Variants in CTNNB1 observed in about 807,000 individuals in gnomAD.
CTNNB1 encodes catenin beta-1.
A neutral mutation model predicts 82.5 loss-of-function variants in CTNNB1; 6 were observed. That is an observed-to-expected ratio of 0.07 (90% CI 0.04 to 0.14). The LOEUF is 0.14. Among genes scored for constraint, CTNNB1 ranks in the 10% least tolerant of loss-of-function variants. The pLI is 1.00. For missense variants in CTNNB1, 529 were observed against 980.4 expected, an observed-to-expected ratio of 0.54 and a Z score of 6.15; for synonymous variants, 312 against 329.7, an observed-to-expected ratio of 0.95 and a Z score of 0.58.
At chr3:41,215,211 A>G (rs35024316) in intron 1 of CTNNB1, among the ~76,000 whole-genome samples, 14 of 44,482 alleles carry the variant, frequency 3.1e-4, no homozygotes, top group South Asian at 1.5e-3. Flanking sequence ...CCCTGTCTCC[A>G]TTAAAAAAAA....
At chr3:41,238,814 T>C (rs909798302) in intron 14 of CTNNB1, among the ~76,000 whole-genome samples, 7 of 152,156 alleles carry the variant, frequency 4.6e-5, no homozygotes, top group African/African-American at 1.4e-4. Flanking sequence ...TCCTGCTTCT[T>C]CTCCTCGGGA....
intron 1 of CTNNB1, among the ~76,000 whole-genome samples, chr3:41,213,962 C>CT (rs1277044898): frequency 1.3e-5 from 2 of 152,128 alleles, no homozygotes; most frequent in African/African-American, 2.4e-5. Context: ...AGCAAAATGT[C>CT]TTTCTGTTTG....
At chr3:41,214,245 C>T (rs1282439525) in intron 1 of CTNNB1, among the ~76,000 whole-genome samples, 3 of 152,014 alleles carry the variant, frequency 2.0e-5, no homozygotes, top group Non-Finnish European at 4.4e-5. Context: ...ATGCCAGGGC[C>T]CTTCCCCAGC....
intron 13 of CTNNB1, chr3:41,237,454 A>AAAAG (rs1485839519): frequency 2.6e-5 from 4 of 152,548 alleles, no homozygotes; most frequent in African/African-American, 9.7e-5. Context: ...CACAAAAAAA[A>AAAAG]AAAAAAAAAA....
chr3:41,229,613 A>G (rs1361989779), intron 7 of CTNNB1, among the ~76,000 whole-genome samples: 1 of 152,090 alleles, frequency 6.6e-6, no homozygotes, highest in Non-Finnish European at 1.5e-5. Flanking sequence ...GGCAGAGATT[A>G]TGGGGTTTTC....
chr3:41,232,733 C>T (rs1032195159), intron 7 of CTNNB1, among the ~76,000 whole-genome samples: 19 of 151,972 alleles, frequency 1.3e-4, no homozygotes, highest in Admixed American at 9.8e-4. Context: ...GTTTTCATGC[C>T]GTCTTTCTGG....
intron 10 of CTNNB1, 197 bp from the exon 11 acceptor site, chr3:41,235,523 AGGGG>A: frequency 1.5e-6 from 1 of 648,260 alleles, no homozygotes; most frequent in Admixed American, 2.2e-5. Flanking sequence ...TGTATGGGGG[AGGGG>A]TGCTGCTTTG....
chr3:41,232,384 A>C (rs1259878302), intron 7 of CTNNB1, among the ~76,000 whole-genome samples: 2 of 152,146 alleles, frequency 1.3e-5, no homozygotes, highest in Admixed American at 6.5e-5. Context: ...AACCCAACAG[A>C]GGTGATCTTT....
At chr3:41,217,380 A>G (rs1196742113) in intron 1 of CTNNB1, among the ~76,000 whole-genome samples, 2 of 152,224 alleles carry the variant, frequency 1.3e-5, no homozygotes, top group African/African-American at 4.8e-5. Context: ...GCTTCACTGT[A>G]TGTATGATCT....
At chr3:41,212,411 TC>T (rs2077814730) in intron 1 of CTNNB1, among the ~76,000 whole-genome samples, 1 of 152,202 alleles carries the variant, frequency 6.6e-6, no homozygotes, top group African/African-American at 2.4e-5. Context: ...ATCACTCTCA[TC>T]CCAGTTTGTG....
At chr3:41,209,871 G>A (rs183046114) in intron 1 of CTNNB1, among the ~76,000 whole-genome samples, 3 of 152,282 alleles carry the variant, frequency 2.0e-5, no homozygotes, top group Non-Finnish European at 4.4e-5. Flanking sequence ...TTGAGGGAAC[G>A]TGAAAGATGT....
chr3:41,204,211 G>A (rs2077596059), intron 1 of CTNNB1, among the ~76,000 whole-genome samples: 1 of 151,946 alleles, frequency 6.6e-6, no homozygotes, highest in Non-Finnish European at 1.5e-5. Context: ...TTCCAAGTTG[G>A]TGCTTAGTAT....
chr3:41,212,439 T>C (rs2077815850), intron 1 of CTNNB1, among the ~76,000 whole-genome samples: 1 of 152,230 alleles, frequency 6.6e-6, no homozygotes, highest in African/African-American at 2.4e-5. Context: ...TATTCCATTA[T>C]ATTACTATTA....
chr3:41,235,592 TCTTC>T, intron 10 of CTNNB1, 128 bp from the exon 11 acceptor site: 1 of 1,212,582 alleles, frequency 8.2e-7, no homozygotes, highest in Non-Finnish European at 1.2e-6. Context: ...ATGGAATCCT[TCTTC>T]CTTCCTGAAC....
At chr3:41,228,946 G>A (rs1041548152) in intron 7 of CTNNB1, among the ~76,000 whole-genome samples, 1 of 152,134 alleles carries the variant, frequency 6.6e-6, no homozygotes, top group African/African-American at 2.4e-5. Flanking sequence ...GATGTGGCTA[G>A]CCAGTTATCC....
intron 1 of CTNNB1, chr3:41,220,457 G>C (rs1025243761): frequency 7.8e-6 from 1 of 127,566 alleles, no homozygotes; most frequent in Non-Finnish European, 1.5e-5. Flanking sequence ...GAAGAAAGCA[G>C]AAAAGAACCT....
Position 41,225,049 on chromosome 3 carries a change from C to G in CTNNB1, c.337C>G (p.Gln113Glu), listed in dbSNP as rs1553630279. 2 of 1,614,096 alleles carry G rather than the reference C, an allele frequency of 1.2e-6. No homozygotes were observed. The highest frequency in any genetic ancestry group is 1.7e-6 in the Non-Finnish European group (2 of 1,179,978). Residue 113 changes from glutamine to glutamate, a missense_variant, in exon 4 of 15, where the codon CAG becomes GAG. Physicochemically the swap from Gln to Glu is conservative, Grantham distance 29. This residue lies in a region of CTNNB1 where 411 missense variants were observed against 776.4 expected (regional missense o/e 0.53). Coordinates refer to ENST00000349496, the MANE Select transcript of CTNNB1 (RefSeq NM_001904.4). The surrounding 1 kb of genome is among the most constrained non-coding windows in gnomAD (Gnocchi z 5.3). ...LDEGMQIPST[Q>E]FDAAHPTNVQ... ...TGAGGGCATGCAGATCCCATCTACA[C>G]AGTTTGATGCTGCTCATCCCACTAA...
rs2125621356 is a variant in CTNNB1 at position 41,225,216 on chromosome 3, T to C, written c.495+9T>C. On this transcript the variant is annotated intron_variant, in intron 4 of 14. Coordinates refer to ENST00000349496, the MANE Select transcript of CTNNB1 (RefSeq NM_001904.4). The surrounding 1 kb of genome is among the most constrained non-coding windows in gnomAD (Gnocchi z 5.3). ...TAAATGACGAGGACCAGGTAAGCAA[T>C]GACATAGCTAGCTTTTTAGTCTGCT... The C allele has an allele frequency of 1.2e-6, 2 of 1,614,086 alleles. No individual in the cohort carries two copies. The highest frequency in any genetic ancestry group is 1.7e-6 in the Non-Finnish European group (2 of 1,179,986).
chr3:41,225,246 A>G lies in CTNNB1; in HGVS notation c.495+39A>G, dbSNP rs2125621533. 1 of 1,614,038 alleles carries G rather than the reference A, an allele frequency of 6.2e-7. No homozygotes were observed. The highest frequency in any genetic ancestry group is 8.5e-7 in the Non-Finnish European group (1 of 1,179,960). On this transcript the variant is annotated intron_variant, in intron 4 of 14. Coordinates refer to ENST00000349496, the MANE Select transcript of CTNNB1 (RefSeq NM_001904.4). The surrounding 1 kb of genome is among the most constrained non-coding windows in gnomAD (Gnocchi z 5.3). ...TAGCTAGCTTTTTAGTCTGCTTTGA[A>G]GTAAATGCTCAAGGGGAGTAGTTTC...
Sources: gnomAD v4.1 joint callset for allele counts (sites outside exome capture counted in the v4.1 genomes callset) on GRCh38, gnomAD v4.1.1 for gene constraint, gnomAD v4.1.1 regional missense constraint, Gnocchi (gnomAD v3.1) non-coding constraint, MANE v1.5 for transcripts, NCBI Gene and HGNC (gene_info 2026-07-23, HGNC 2026-07-21) for gene names.